Variants in AZU1 observed in about 807,000 individuals in gnomAD.
The protein encoded by AZU1 is azurocidin 1.
AZU1 carries 21 observed loss-of-function variants against 17.8 expected under a neutral mutation model. That is an observed-to-expected ratio of 1.18 (90% confidence interval 0.84 to 1.70). AZU1 has a LOEUF of 1.70. AZU1 is among the 40% of genes most tolerant of loss of function. AZU1 has a pLI of 0.00. For synonymous variants in AZU1, 178 were observed against 155.2 expected, an observed-to-expected ratio of 1.15 and a Z score of -1.09; for missense variants, 379 against 362.9, an observed-to-expected ratio of 1.04 and a Z score of -0.36.
chr19:828,535 G>C, intron 2 of AZU1, 149 bp downstream of exon 2: 1 of 899,478 alleles, frequency 1.1e-6, no homozygotes, highest in Non-Finnish European at 1.6e-6. Context: ...GGCTTGGAGA[G>C]GGAAATGGGG....
intron 2 of AZU1, among the ~76,000 whole-genome samples, chr19:829,355 A>T (rs1261399371): frequency 1.6e-5 from 2 of 127,726 alleles, no homozygotes; most frequent in African/African-American, 3.0e-5. Flanking sequence ...GCTCAGATGG[A>T]GGAGGAGGCG....
rs1225845070 is a variant in AZU1 at position 828,941 on chromosome 19, A to G, written c.215+555A>G. Among the ~76,000 whole-genome samples, 10 of 98,114 alleles carry G rather than the reference A, an allele frequency of 1.0e-4. No homozygotes were observed. The East Asian group carries it at 1.1e-3, about 11-fold the overall frequency. The allele number at this position is 98,114 out of a possible 152,430, so 64.4% of individuals were successfully genotyped here. ...CAGATGGAGGAGGTGCGGAGAAGGG[A>G]AGGGGGTCAGATGGAGGAGGTGCAG... On this transcript the variant is annotated intron_variant, in intron 2 of 4. Coordinates refer to ENST00000233997, the MANE Select transcript of AZU1 (RefSeq NM_001700.5).
chr19:831,061 A>C, intron 4 of AZU1, 120 bp downstream of exon 4: 4 of 811,188 alleles, frequency 4.9e-6, no homozygotes, highest in Non-Finnish European at 7.6e-6. Context: ...GAGCATTTTC[A>C]CGGTAGGAGA....
chr19:827,843 C>G lies in AZU1; in HGVS notation c.-4C>G. ...CGCCGCCTTAGCCACAGACCTGCCCCGCCATGACCCGGCTGACAGTCCTGG... is the reference window on the plus strand; with the variant it reads ...CGCCGCCTTAGCCACAGACCTGCCCGGCCATGACCCGGCTGACAGTCCTGG... On this transcript the variant is annotated 5_prime_UTR_variant, in exon 1 of 5. Transcript: ENST00000233997. 7 of 1,536,146 alleles carry G rather than the reference C, an allele frequency of 4.6e-6. No individual in the cohort carries two copies. The highest frequency in any genetic ancestry group is 1.2e-5 in the South Asian group (1 of 84,068).
intron 3 of AZU1, among the ~76,000 whole-genome samples, 187 bp from the exon 4 acceptor site, chr19:830,521 C>T (rs1309977263): frequency 6.6e-6 from 1 of 152,212 alleles, no homozygotes; most frequent in Non-Finnish European, 1.5e-5. Context: ...CTCAAGTGAT[C>T]CACCCACCTT....
At chr19:829,808 G>T in intron 3 of AZU1, 102 bp downstream of exon 3, 1 of 1,448,448 alleles carries the variant, frequency 6.9e-7, no homozygotes, top group East Asian at 2.5e-5. Context: ...ACAAAAATTA[G>T]CCGGGAGTGG....
At position 829,713 on chromosome 19, in the gene AZU1, G is replaced by C. The variant is rs767677091; in HGVS notation, c.360+7G>C. ...CGACCTGATGCTGCTTCAGGTGAGA[G>C]GATGGTGCCACCTGTGATCCCAGCA... On this transcript the variant is annotated splice_region_variant and intron_variant, in intron 3 of 4. Coordinates refer to ENST00000233997, the MANE Select transcript of AZU1 (RefSeq NM_001700.5). 3 of 1,612,656 alleles carry C rather than the reference G, an allele frequency of 1.9e-6. No homozygotes were observed. The highest frequency in any genetic ancestry group is 2.2e-5 in the East Asian group (1 of 44,868).
Position 827,867 on chromosome 19 carries a change from G to A in AZU1, c.21G>A (p.Leu7=), listed in dbSNP as rs1342950572. The A allele has an allele frequency of 2.0e-6, 3 of 1,536,902 alleles. No individual in the cohort carries two copies. The highest frequency in any genetic ancestry group is 2.6e-6 in the Non-Finnish European group (3 of 1,147,286). The part of the protein sequence containing the change: MTRLTV[L]ALLAGLLASS... ...CCGCCATGACCCGGCTGACAGTCCT[G>A]GCCCTGCTGGCTGGTCTGCTGGCGT... The change falls in exon 1 of 5, where the codon CTG becomes CTA. Residue 7 remains leucine (L), a synonymous_variant. Transcript: ENST00000233997.
chr19:830,792 TGCCAGGTGGCCGGCTGGGGGA>T lies in AZU1; in HGVS notation c.451_471del (p.Val151_Gln157del), dbSNP rs1353036363. The T allele has an allele frequency of 1.2e-6, 2 of 1,606,138 alleles. No individual in the cohort carries two copies. The highest frequency in any genetic ancestry group is 1.7e-6 in the Non-Finnish European group (2 of 1,179,922). On this transcript the variant is annotated inframe_deletion, in exon 4 of 5. Coordinates refer to ENST00000233997, the MANE Select transcript of AZU1 (RefSeq NM_001700.5). Reference sequence around the variant, plus strand: ...CGCCACGGTGGAAGCCGGCACCAGATGCCAGGTGGCCGGCTGGGGGAGCCAGCGCAGTGGGGGGCGTCTCTC... The same window carrying T: ...CGCCACGGTGGAAGCCGGCACCAGATGCCAGCGCAGTGGGGGGCGTCTCTC...
chr19:831,434 G>A, intron 4 of AZU1: 2 of 453,736 alleles, frequency 4.4e-6, no homozygotes, highest in East Asian at 7.0e-5. Context: ...GGGGGTTGGG[G>A]ACCCAGCAGG....
chr19:831,646 G>C, intron 4 of AZU1, 70 bp from the exon 5 acceptor site: 2 of 1,455,648 alleles, frequency 1.4e-6, no homozygotes, highest in Non-Finnish European at 1.8e-6. Flanking sequence ...GCAGCAAGAG[G>C]CCTCTGCAGT....
intron 2 of AZU1, 92 bp from the exon 3 acceptor site, chr19:829,470 G>A: frequency 1.3e-6 from 2 of 1,489,610 alleles, no homozygotes; most frequent in Admixed American, 3.8e-5. Context: ...CAGTCTGCAG[G>A]CTGGGATCCC....
chr19:829,934 A>ATGTGTGTGTGTGTGTG (rs1240559729), intron 3 of AZU1, among the ~76,000 whole-genome samples: 2 of 120,304 alleles, frequency 1.7e-5, no homozygotes, highest in African/African-American at 4.0e-5. Flanking sequence ...ACAAAAATAT[A>ATGTGTGTGTGTGTGTG]TATGTGTGTG....
chr19:831,167 G>A (rs910308062), intron 4 of AZU1: 10 of 509,326 alleles, frequency 2.0e-5, no homozygotes, highest in South Asian at 1.5e-4. Flanking sequence ...TGCAACCTCC[G>A]CCTCCTGGGT....
rs1194718631 is a variant in AZU1, at chr19:828,183, A to T, written c.59-47A>T. 4 of 1,542,498 alleles carry T rather than the reference A, an allele frequency of 2.6e-6. No homozygotes were observed. In the Admixed American group the frequency reaches 7.9e-5, roughly 31 times the overall value. On this transcript the variant is annotated intron_variant, in intron 1 of 4. Coordinates refer to ENST00000233997, the MANE Select transcript of AZU1 (RefSeq NM_001700.5). ...TGCAGCTTCACACGCCCTCCCGGCC[A>T]CTGTGTGGATTCTTGGGGATCTCAG...
intron 3 of AZU1, 66 bp downstream of exon 3, chr19:829,772 T>C (rs1474292624): frequency 1.3e-6 from 2 of 1,574,442 alleles, no homozygotes; most frequent in African/African-American, 2.7e-5. Context: ...GGGAAACAAG[T>C]CCAAACTTGG....
chr19:828,944 G>C (rs1374150620), intron 2 of AZU1, among the ~76,000 whole-genome samples: 2 of 122,864 alleles, frequency 1.6e-5, no homozygotes, highest in Non-Finnish European at 3.4e-5. Context: ...AGAAGGGAAG[G>C]GGGTCAGATG....
At chr19:830,583 G>A (rs1303140752) in intron 3 of AZU1, 125 bp from the exon 4 acceptor site, 2 of 868,580 alleles carry the variant, frequency 2.3e-6, no homozygotes, top group Non-Finnish European at 3.4e-6. Context: ...CCCGGCCCCT[G>A]CCGGGAATTA....
rs149335820 is a variant in AZU1 at position 831,776 on chromosome 19, C to G, written c.655C>G (p.Leu219Val). The G allele has an allele frequency of 6.2e-6, 10 of 1,612,776 alleles. No individual in the cohort carries two copies. The South Asian group carries it at 1.1e-4, about 18-fold the overall frequency. ...GGCCCACGGCGTGGCCTCCTTTTCC[C>G]TGGGGCCCTGTGGCCGAGGCCCTGA... ...GLAHGVASFS[L>V]GPCGRGPDFF... The change falls in exon 5 of 5, where the codon CTG becomes GTG. Residue 219 changes from leucine (L) to valine (V), a missense_variant. Coordinates refer to ENST00000233997, the MANE Select transcript of AZU1 (RefSeq NM_001700.5).
Sources: gnomAD v4.1 joint callset for allele counts (sites outside exome capture counted in the v4.1 genomes callset) on GRCh38, gnomAD v4.1.1 for gene constraint, MANE v1.5 for transcripts, NCBI Gene and HGNC (gene_info 2026-07-23, HGNC 2026-07-21) for gene names.